ATP2C1: variants seen among roughly 807,000 people sequenced by gnomAD.
The protein encoded by ATP2C1 is calcium-transporting ATPase type 2C member 1.
ATP2C1 carries 31 observed loss-of-function variants against 120.5 expected under a neutral mutation model. That is an observed-to-expected ratio of 0.26 (90% CI 0.19 to 0.35). ATP2C1 has a LOEUF of 0.35. Ranked by LOEUF, ATP2C1 falls within the 10% of genes least tolerant of loss-of-function variation. The pLI is 1.00. For missense variants in ATP2C1, 731 were observed against 1,107.5 expected, an observed-to-expected ratio of 0.66 and a Z score of 4.83; for synonymous variants, 351 against 358.7, an observed-to-expected ratio of 0.98 and a Z score of 0.24.
intron 1 of ATP2C1, among the ~76,000 whole-genome samples, chr3:130,852,051 T>G (rs2067691963): frequency 6.6e-6 from 1 of 152,230 alleles, no homozygotes; most frequent in African/African-American, 2.4e-5. Flanking sequence ...TTAATAATTT[T>G]ACAAGGGCCA....
At chr3:130,856,958 A>G (rs2067861352) in intron 1 of ATP2C1, among the ~76,000 whole-genome samples, 1 of 152,252 alleles carries the variant, frequency 6.6e-6, no homozygotes, top group Non-Finnish European at 1.5e-5. Context: ...AATTCAAAAA[A>G]TTGTAACTTT....
At chr3:130,952,881 TCTTAA>T (rs751623818) in intron 8 of ATP2C1, among the ~76,000 whole-genome samples, 4 of 152,300 alleles carry the variant, frequency 2.6e-5, no homozygotes, top group South Asian at 2.1e-4. Context: ...AGCAAAGGAC[TCTTAA>T]CTTCTAACAA....
chr3:130,974,130 T>C (rs755325891), intron 17 of ATP2C1, among the ~76,000 whole-genome samples: 28 of 152,088 alleles, frequency 1.8e-4, no homozygotes, highest in Non-Finnish European at 7.4e-5. Flanking sequence ...ATGAGAAGGG[T>C]TTTATATTAC....
At chr3:130,913,787 C>G (rs943327600) in intron 2 of ATP2C1, among the ~76,000 whole-genome samples, 1 of 152,112 alleles carries the variant, frequency 6.6e-6, no homozygotes, top group African/African-American at 2.4e-5. Flanking sequence ...GATGACCTGA[C>G]TAATTTAAAT....
intron 13 of ATP2C1, among the ~76,000 whole-genome samples, chr3:130,964,396 C>T (rs943124912): frequency 6.6e-6 from 1 of 151,824 alleles, no homozygotes; most frequent in African/African-American, 2.4e-5. Context: ...TGTGACATGT[C>T]AAAGAAGATA....
intron 19 of ATP2C1, among the ~76,000 whole-genome samples, chr3:130,980,350 T>G (rs1487318503): frequency 6.6e-6 from 1 of 151,862 alleles, no homozygotes; most frequent in Non-Finnish European, 1.5e-5. Context: ...AGTGCAGAGA[T>G]TACAAGCCTG....
intron 1 of ATP2C1, among the ~76,000 whole-genome samples, chr3:130,880,216 T>G (rs1275759045): frequency 6.6e-6 from 1 of 152,210 alleles, no homozygotes; most frequent in Non-Finnish European, 1.5e-5. Flanking sequence ...TATTCTACAC[T>G]GGGACACTGC....
intron 18 of ATP2C1, among the ~76,000 whole-genome samples, chr3:130,976,111 T>C (rs1164434290): frequency 1.3e-5 from 2 of 152,204 alleles, no homozygotes; most frequent in Non-Finnish European, 2.9e-5. Context: ...TATGTAGTTA[T>C]GTAGTCTCTC....
intron 13 of ATP2C1, 87 bp from the exon 14 acceptor site, chr3:130,964,861 C>T: frequency 1.1e-6 from 1 of 902,104 alleles, no homozygotes; most frequent in Non-Finnish European, 1.8e-6. Flanking sequence ...AGAAGTAGGA[C>T]AGGATTCTAG....
chr3:130,900,666 A>G (rs944794040), intron 2 of ATP2C1, among the ~76,000 whole-genome samples: 9 of 152,150 alleles, frequency 5.9e-5, no homozygotes, highest in Non-Finnish European at 1.2e-4. Context: ...TCAGAAATTT[A>G]TCTTGGTTAT....
Position 130,883,747 on chromosome 3 carries a change from G to A in ATP2C1, c.108+32819G>A, listed in dbSNP as rs185746463. On this transcript the variant is annotated intron_variant, in intron 1 of 26. Coordinates refer to the ATP2C1 transcript ENST00000504381. ...GCCGGGATCACTCATGTGAGCTGCCGCACCCAACCCTCTTTCTTCTTTCTG... is the reference window on the plus strand; with the variant it reads ...GCCGGGATCACTCATGTGAGCTGCCACACCCAACCCTCTTTCTTCTTTCTG... Among the ~76,000 whole-genome samples the A allele has an allele frequency of 5.3e-5, 8 of 152,054 alleles. No individual in the cohort carries two copies. In the East Asian group the frequency reaches 1.2e-3, roughly 22 times the overall value.
rs371032919 is a variant in ATP2C1 at position 130,964,919 on chromosome 3, T to C, written c.1025-29T>C. The C allele has an allele frequency of 4.6e-6, 7 of 1,524,210 alleles. No homozygotes were observed. In the African/African-American group the frequency reaches 6.9e-5, roughly 15 times the overall value. 94.4% of individuals were successfully genotyped at this position (1,524,210 alleles called of 1,614,324 possible). Reference sequence around the variant, plus strand: ...AACCTATATTTCTCCTTGATTCTTTTGGTGACTTGTAATGATTTAATTCTT... The same window carrying C: ...AACCTATATTTCTCCTTGATTCTTTCGGTGACTTGTAATGATTTAATTCTT... On this transcript the variant is annotated intron_variant, in intron 13 of 27. Transcript: ENST00000510168.
At chr3:131,012,289 G>A (rs1158297679) in intron 26 of ATP2C1, among the ~76,000 whole-genome samples, 1 of 107,846 alleles carries the variant, frequency 9.3e-6, no homozygotes, top group Non-Finnish European at 1.8e-5. Flanking sequence ...AGACAGTCTT[G>A]CTCTGTCACC....
intron 1 of ATP2C1, among the ~76,000 whole-genome samples, chr3:130,884,072 G>T (rs2068882291): frequency 6.6e-6 from 1 of 151,316 alleles, no homozygotes; most frequent in South Asian, 2.1e-4. Context: ...CTCCCGAGTA[G>T]CTGGATTACA....
intron 4 of ATP2C1, among the ~76,000 whole-genome samples, chr3:130,934,419 T>C (rs2059578372): frequency 6.6e-6 from 1 of 151,796 alleles, no homozygotes; most frequent in Non-Finnish European, 1.5e-5. Flanking sequence ...TTTTTTTTTC[T>C]GAAAAGGAAC....
chr3:130,997,498 A>G (rs766172312), intron 24 of ATP2C1, 108 bp from the exon 25 acceptor site: 16 of 1,048,460 alleles, frequency 1.5e-5, no homozygotes, highest in African/African-American at 3.2e-5. Context: ...TTTTGTTTCT[A>G]TAAGAAAGCA....
intron 2 of ATP2C1, among the ~76,000 whole-genome samples, chr3:130,920,231 T>C (rs2058890246): frequency 6.6e-6 from 1 of 152,250 alleles, no homozygotes; most frequent in African/African-American, 2.4e-5. Flanking sequence ...TGCTTATGCT[T>C]TTGGTATTAA....
chr3:130,888,798 T>C (rs753506106), intron 1 of ATP2C1, among the ~76,000 whole-genome samples: 7 of 152,206 alleles, frequency 4.6e-5, no homozygotes, highest in Non-Finnish European at 8.8e-5. Flanking sequence ...GGTACTCCGA[T>C]TGCTCTGATT....
rs985277651 is a variant in ATP2C1, at chr3:130,937,345, G to A, written c.325-83G>A. ...GTTTAAAATCTGTTATTGTGGGACT[G>A]CAGATAGTTAGAAAAATAAAATACA... On this transcript the variant is annotated intron_variant, in intron 5 of 27. Coordinates refer to ENST00000510168, the MANE Select transcript of ATP2C1 (RefSeq NM_001378687.1). 6 of 1,154,506 alleles carry A rather than the reference G, an allele frequency of 5.2e-6. No homozygotes were observed. In the African/African-American group the frequency reaches 7.6e-5, roughly 15 times the overall value. 71.5% of individuals were successfully genotyped at this position (1,154,506 alleles called of 1,614,324 possible). A position where few individuals can be genotyped will look rare whatever the true frequency, so the allele number is the denominator to read the frequency against.
Sources: gnomAD v4.1 joint callset for allele counts (sites outside exome capture counted in the v4.1 genomes callset) on GRCh38, gnomAD v4.1.1 for gene constraint, MANE v1.5 for transcripts, NCBI Gene and HGNC (gene_info 2026-07-23, HGNC 2026-07-21) for gene names.